ARAP2: variants seen among roughly 807,000 people sequenced by gnomAD.
ARAP2 encodes the protein ArfGAP with RhoGAP domain, ankyrin repeat and PH domain 2, also known as arf-GAP with Rho-GAP domain, ANK repeat and PH domain-containing protein 2.
ARAP2 carries 148 observed loss-of-function variants against 194.5 expected under a neutral mutation model. The observed-to-expected ratio is 0.76, with a 90% CI of 0.67 to 0.87. The LOEUF (loss-of-function observed/expected upper bound fraction) is 0.87, where lower values mean the gene tolerates loss of function less well. Among genes scored for constraint, ARAP2 ranks in the 40% least tolerant of loss-of-function variants. The pLI is 0.00. For synonymous variants in ARAP2, 695 were observed against 683.5 expected (o/e 1.02, Z -0.26); for missense variants, 2,128 against 1,989.7 (o/e 1.07, Z -1.32).
In ARAP2 at chr4:36,089,791, T is replaced by C. The variant is rs73806438; in HGVS notation, c.4425+2090A>G. 7.3e-3 allele frequency among the ~76,000 whole-genome samples: 1,107 copies of C among 152,180 alleles called. 17 individuals carry two copies. The highest frequency in any genetic ancestry group is 0.025 in the African/African-American group (1,038 of 41,554). On this transcript the variant is annotated intron_variant, in intron 28 of 32. Coordinates refer to ENST00000303965, the MANE Select transcript of ARAP2 (RefSeq NM_015230.4). Reference sequence around the variant, plus strand: ...AATTTTTATTGAACTGCTTTTCTTATTGTTGATTTAGAAGAGCTCTTTATA... The same window carrying C: ...AATTTTTATTGAACTGCTTTTCTTACTGTTGATTTAGAAGAGCTCTTTATA...
chr4:36,074,839 C>T (rs1266655837), intron 31 of ARAP2, among the ~76,000 whole-genome samples: 1 of 151,990 alleles, frequency 6.6e-6, no homozygotes, highest in Non-Finnish European at 1.5e-5. Flanking sequence ...GTCTACCTAC[C>T]ATATAATAAC....
chr4:36,217,765 A>C (rs1183998666), intron 2 of ARAP2, among the ~76,000 whole-genome samples: 1 of 151,434 alleles, frequency 6.6e-6, no homozygotes, highest in Non-Finnish European at 1.5e-5. Context: ...AATTAGAAAA[A>C]AATCTAATTA....
At chr4:36,157,330 T>C (rs1024345642) in intron 15 of ARAP2, 2 of 151,936 alleles carry the variant, frequency 1.3e-5, no homozygotes, top group Non-Finnish European at 2.9e-5. Flanking sequence ...CATCTTCTGA[T>C]CACTTATCTT....
intron 2 of ARAP2, among the ~76,000 whole-genome samples, chr4:36,220,046 A>C (rs1748813158): frequency 6.6e-6 from 1 of 152,166 alleles, no homozygotes; most frequent in Admixed American, 6.6e-5. Flanking sequence ...ATAAAGCTGC[A>C]ATTGTTTCCT....
intron 5 of ARAP2, among the ~76,000 whole-genome samples, chr4:36,027,787 T>C (rs1718187790): frequency 2.0e-5 from 3 of 152,182 alleles, no homozygotes; most frequent in Admixed American, 6.6e-5. Flanking sequence ...TCTGTTTATG[T>C]CTAATGTGCA....
intron 27 of ARAP2, among the ~76,000 whole-genome samples, chr4:36,096,257 C>T (rs1283580102): frequency 6.8e-6 from 1 of 147,708 alleles, no homozygotes; most frequent in African/African-American, 2.5e-5. Context: ...ACCAGCTACT[C>T]AGGAGGCTGA....
intron 26 of ARAP2, among the ~76,000 whole-genome samples, chr4:36,109,740 T>TC (rs1266342709): frequency 6.6e-6 from 1 of 151,878 alleles, no homozygotes; most frequent in Non-Finnish European, 1.5e-5. Flanking sequence ...TTCTTTAAGT[T>TC]CTAGGGTACA....
Position 36,068,208 on chromosome 4 carries a change from A to G in ARAP2, c.4814T>C (p.Leu1605Ser). The G allele has an allele frequency of 6.2e-7, 1 of 1,612,904 alleles. No homozygotes were observed. The highest frequency in any genetic ancestry group is 8.5e-7 in the Non-Finnish European group (1 of 1,179,618). Residue 1605 changes from leucine to serine, a missense_variant, in exon 33 of 33, where the codon TTA becomes TCA. By Grantham distance (145) the Leu-to-Ser change is moderately radical (BLOSUM62 -2). Coordinates refer to ENST00000303965, the MANE Select transcript of ARAP2 (RefSeq NM_015230.4). The part of the protein sequence containing the change: ...KCDKESVDSS[L>S]KERASMVAHC... ...GGCCACCATGGAAGCTCTCTCCTTT[A>G]AGCTAGAGTCCACGGACTCTTTATC...
chr4:36,111,646 AT>A (rs1720013138), intron 26 of ARAP2, among the ~76,000 whole-genome samples: 1 of 152,036 alleles, frequency 6.6e-6, no homozygotes. Context: ...AAAAAATCCA[AT>A]TCAGTCTTAG....
chr4:36,238,108 C>T (rs1752774836), intron 1 of ARAP2, among the ~76,000 whole-genome samples: 1 of 152,154 alleles, frequency 6.6e-6, no homozygotes, highest in African/African-American at 2.4e-5. Flanking sequence ...TAGTGTGTGG[C>T]AACATCCGCC....
chr4:36,185,008 G>A (rs905903102), intron 8 of ARAP2, among the ~76,000 whole-genome samples: 1 of 152,186 alleles, frequency 6.6e-6, no homozygotes, highest in East Asian at 1.9e-4. Context: ...TAAAATGCTT[G>A]AGGGCAGGGG....
chr4:36,163,679 A>G (rs1734617197), intron 11 of ARAP2, among the ~76,000 whole-genome samples: 1 of 152,200 alleles, frequency 6.6e-6, no homozygotes, highest in South Asian at 2.1e-4. Flanking sequence ...TTATACAATG[A>G]AACAAAAGAA....
chr4:36,172,995 T>C (rs1736994411), intron 9 of ARAP2, among the ~76,000 whole-genome samples: 2 of 152,260 alleles, frequency 1.3e-5, no homozygotes, highest in African/African-American at 4.8e-5. Context: ...GGGAACATTA[T>C]GTTGGGGGGG....
At chr4:36,216,082 C>CAA (rs112912494) in intron 2 of ARAP2, among the ~76,000 whole-genome samples, 28 of 99,376 alleles carry the variant, frequency 2.8e-4, no homozygotes, top group East Asian at 2.8e-3. Flanking sequence ...CCCATCTCTA[C>CAA]AAAAAAAAAA....
chr4:36,105,319 A>G (rs1004152956), intron 27 of ARAP2, among the ~76,000 whole-genome samples: 10 of 151,990 alleles, frequency 6.6e-5, no homozygotes, highest in African/African-American at 1.2e-4. Context: ...GCAAGACTCC[A>G]TCTCAAAACA....
intron 6 of ARAP2, among the ~76,000 whole-genome samples, chr4:36,208,459 GAA>G (rs1476008615): frequency 6.6e-6 from 1 of 152,148 alleles, no homozygotes; most frequent in Admixed American, 6.5e-5. Flanking sequence ...ACCCTTTACA[GAA>G]AAAGTTTGTT....
intron 24 of ARAP2, among the ~76,000 whole-genome samples, chr4:36,118,972 A>G (rs1722051806): frequency 6.6e-6 from 1 of 151,416 alleles, no homozygotes; most frequent in Non-Finnish European, 1.5e-5. Flanking sequence ...ATCTGTAAAC[A>G]GAGCACATCT....
chr4:36,178,870 A>G (rs1187686623), intron 8 of ARAP2, among the ~76,000 whole-genome samples: 1 of 152,200 alleles, frequency 6.6e-6, no homozygotes, highest in Non-Finnish European at 1.5e-5. Flanking sequence ...GGTAAAAAAG[A>G]GGTATATGTG....
At chr4:36,110,232 T>C (rs1269750625) in intron 26 of ARAP2, among the ~76,000 whole-genome samples, 1 of 151,930 alleles carries the variant, frequency 6.6e-6, no homozygotes, top group Non-Finnish European at 1.5e-5. Flanking sequence ...TGCAATTTGT[T>C]TTCTTAGGTA....
Sources: allele counts gnomAD v4.1 joint callset (sites outside exome capture counted in the v4.1 genomes callset), GRCh38; gene constraint gnomAD v4.1.1; transcripts MANE v1.5; gene names NCBI Gene and HGNC (gene_info 2026-07-23, HGNC 2026-07-21).